Variants in CPSF2 observed in about 807,000 individuals in gnomAD.
CPSF2 encodes cleavage and polyadenylation specific factor 2, also known as cleavage and polyadenylation specificity factor subunit 2.
A neutral mutation model predicts 84.2 loss-of-function variants in CPSF2; 51 were observed. The ratio of observed to expected loss-of-function variants is 0.61; its 90% CI spans 0.48 to 0.77. The LOEUF is 0.77. CPSF2 is among the 30% of genes least tolerant of loss of function. The pLI is 0.00. For missense variants in CPSF2, 641 were observed against 929.4 expected (o/e 0.69, Z 4.03); for synonymous variants, 286 against 311.9 (o/e 0.92, Z 0.87).
rs1033800492 is a variant in CPSF2, at chr14:92,162,289, A to G, written c.*545A>G. 1 of 152,580 alleles carries G rather than the reference A, an allele frequency of 6.6e-6. No homozygotes were observed. The highest frequency in any genetic ancestry group is 1.5e-5 in the Non-Finnish European group (1 of 68,040). 9.5% of individuals were successfully genotyped at this position (152,580 alleles called of 1,614,324 possible). On this transcript the variant is annotated 3_prime_UTR_variant, in exon 16 of 16. Coordinates refer to ENST00000298875, the MANE Select transcript of CPSF2 (RefSeq NM_017437.3). ...GGCAGGATGTCTGTTTTCTGCCTGT[A>G]TTTCCCAGTGATTTACTCTAGGGTA...
At position 92,156,609 on chromosome 14, in the gene CPSF2, A is replaced by G. The variant is rs756213135; in HGVS notation, c.1573A>G (p.Thr525Ala). The change falls in exon 12 of 16, where the codon ACA becomes GCA. Residue 525 changes from threonine to alanine, a missense_variant. By Grantham distance (58) the Thr-to-Ala change is moderately conservative. This residue lies in a region of CPSF2 where 430 missense variants were observed against 553.6 expected (regional missense o/e 0.78). Transcript: ENST00000298875. Reference sequence around the variant, plus strand: ...TGATGTTCCTACTAAATGTATTTCTACAACAGAGTCTATTGAAATAAAGTA... The same window carrying G: ...TGATGTTCCTACTAAATGTATTTCTGCAACAGAGTCTATTGAAATAAAGTA... ...LSDVPTKCISTTESIEIKARV... is the reference protein window; with the variant it reads ...LSDVPTKCISATESIEIKARV... The G allele has an allele frequency of 1.2e-5, 19 of 1,596,038 alleles. No individual in the cohort carries two copies. Among genetic ancestry groups the G allele is most frequent in the Admixed American group, 1.7e-5 (1 of 57,564 alleles).
At chr14:92,156,440 T>C in intron 11 of CPSF2, 39 bp from the exon 12 acceptor site, 1 of 1,582,158 alleles carries the variant, frequency 6.3e-7, no homozygotes, top group Non-Finnish European at 8.6e-7. Flanking sequence ...TAGTATTAGC[T>C]TGCTTTTTAC....
rs1035851399 is a variant in CPSF2, at chr14:92,166,976, A to G, written c.*5232A>G. ...GCTATTCTGGGTCTCTTGCATTTTCATGTGAGTTTAGATTCTGCTTATCGA... is the reference window on the plus strand; with the variant it reads ...GCTATTCTGGGTCTCTTGCATTTTCGTGTGAGTTTAGATTCTGCTTATCGA... On this transcript the variant is annotated 3_prime_UTR_variant, in exon 16 of 16. Transcript: ENST00000298875. 1 of 143,000 alleles carries G rather than the reference A, an allele frequency of 7.0e-6. No homozygotes were observed. Among genetic ancestry groups the G allele is most frequent in the Admixed American group, 6.9e-5 (1 of 14,444 alleles). 8.9% of individuals were successfully genotyped at this position (143,000 alleles called of 1,614,324 possible).
In CPSF2 at chr14:92,155,104, T is replaced by C; in HGVS notation, c.1242-19T>C. 2 of 1,538,642 alleles carry C rather than the reference T, an allele frequency of 1.3e-6. No homozygotes were observed. The highest frequency in any genetic ancestry group is 1.8e-6 in the Non-Finnish European group (2 of 1,112,804). ...TCTTTGAAACTTTATGACCTTGATCTATTCTAAAATCCTCCTAGGGCAGAT... is the reference window on the plus strand; with the variant it reads ...TCTTTGAAACTTTATGACCTTGATCCATTCTAAAATCCTCCTAGGGCAGAT... On this transcript the variant is annotated intron_variant, in intron 10 of 15. Coordinates refer to ENST00000298875, the MANE Select transcript of CPSF2 (RefSeq NM_017437.3).
At chr14:92,158,825 G>A (rs1250759815) in intron 13 of CPSF2, among the ~76,000 whole-genome samples, 158 bp from the exon 14 acceptor site, 1 of 152,170 alleles carries the variant, frequency 6.6e-6, no homozygotes, top group Non-Finnish European at 1.5e-5. Flanking sequence ...TGATCTGCAG[G>A]TAATGAGGTC....
At chr14:92,127,126 C>T (rs189829145) in intron 2 of CPSF2, among the ~76,000 whole-genome samples, 3 of 152,276 alleles carry the variant, frequency 2.0e-5, no homozygotes, top group Admixed American at 2.0e-4. Flanking sequence ...AAGGTCTTTA[C>T]CTTCATGGAG....
chr14:92,163,798 T>G lies in CPSF2; in HGVS notation c.*2054T>G, dbSNP rs1406083138. ...GACTGGAGTGCAATGGCACACGATC[T>G]CGGCTCACCGCAACCTCTGCCTCCT... On this transcript the variant is annotated 3_prime_UTR_variant, in exon 16 of 16. Coordinates refer to ENST00000298875, the MANE Select transcript of CPSF2 (RefSeq NM_017437.3). 1 of 152,614 alleles carries G rather than the reference T, an allele frequency of 6.6e-6. No individual in the cohort carries two copies. The highest frequency in any genetic ancestry group is 2.4e-5 in the African/African-American group (1 of 41,446). The allele number at this position is 152,614 out of a possible 1,614,324, so 9.5% of individuals were successfully genotyped here.
At position 92,142,246 on chromosome 14, in the gene CPSF2, A is replaced by G; in HGVS notation, c.744A>G (p.Gln248=). The change falls in exon 8 of 16, where the codon CAA becomes CAG. Residue 248 remains glutamine, a synonymous_variant. Coordinates refer to ENST00000298875, the MANE Select transcript of CPSF2 (RefSeq NM_017437.3). ...CAGGCAGAGTTTTGGAACTTGCTCA[A>G]CTTCTTGATCAGATTTGGAGGACTA... ...DTAGRVLELA[Q]LLDQIWRTKD... is the part of the protein sequence containing the mutation. The G allele has an allele frequency of 1.2e-6, 2 of 1,614,088 alleles. No homozygotes were observed. Among genetic ancestry groups the G allele is most frequent in the Non-Finnish European group, 1.7e-6 (2 of 1,179,958 alleles).
intron 6 of CPSF2, among the ~76,000 whole-genome samples, chr14:92,137,360 C>CT (rs1191378350): frequency 6.6e-6 from 1 of 152,130 alleles, no homozygotes; most frequent in African/African-American, 2.4e-5. Flanking sequence ...CAGGTGCGCT[C>CT]TAACATGCCT....
rs1316387899 is a variant in CPSF2 at position 92,161,183 on chromosome 14, G to C, written c.2193G>C (p.Glu731Asp). The C allele has an allele frequency of 1.2e-6, 2 of 1,613,916 alleles. No individual in the cohort carries two copies. Among genetic ancestry groups the C allele is most frequent in the Non-Finnish European group, 1.7e-6 (2 of 1,179,914 alleles). Residue 731 changes from glutamate to aspartate, a missense_variant, in exon 15 of 16, where the codon GAG (glutamate) becomes GAC (aspartate). Physicochemically the swap from Glu to Asp is conservative, Grantham distance 45. Around this residue, in one of 2 missense-constraint regions of CPSF2, gnomAD observed 430 missense variants for 553.6 expected, o/e 0.78. Transcript: ENST00000298875. Reference protein sequence around the residue: ...LSDFKQVLLREGIQAEFVGGV... With the variant: ...LSDFKQVLLRDGIQAEFVGGV... ...ACTTCAAGCAAGTTCTCTTACGGGA[G>C]GGGATTCAAGCTGAATTTGTAGGAG...
chr14:92,124,322 C>G (rs748226789), intron 1 of CPSF2, among the ~76,000 whole-genome samples: 2 of 152,006 alleles, frequency 1.3e-5, no homozygotes, highest in Non-Finnish European at 2.9e-5. Flanking sequence ...GGAGGATCAA[C>G]TGGGAACAGA....
In CPSF2 at chr14:92,138,490, C is replaced by T. The variant is rs1024835514; in HGVS notation, c.661+143C>T. 2.9e-4 allele frequency: 129 copies of T among 442,582 alleles called. 1 individual carries two copies. Among genetic ancestry groups the T allele is most frequent in the South Asian group, 7.4e-4 (14 of 18,884 alleles). 27.4% of individuals were successfully genotyped at this position (442,582 alleles called of 1,614,324 possible). ...TTTCACCCAGGCTGGAGTGAAGTGG[C>T]GCGATCTCGGCTCACTGTAACTTCC... On this transcript the variant is annotated intron_variant, in intron 7 of 15. Transcript: ENST00000298875.
At chr14:92,129,767 A>G (rs1180591905) in intron 2 of CPSF2, among the ~76,000 whole-genome samples, 2 of 152,104 alleles carry the variant, frequency 1.3e-5, no homozygotes, top group African/African-American at 2.4e-5. Flanking sequence ...TGCCCAGTCT[A>G]GGGTACACTC....
At position 92,138,302 on chromosome 14, in the gene CPSF2, A is replaced by G. The variant is rs769824473; in HGVS notation, c.616A>G (p.Thr206Ala). ...ACTTATCACAGATTCATTCAATGCT[A>G]CATATGTACAGCCTAGAAGAAAACA... ...SLLITDSFNATYVQPRRKQRD... is the reference protein window; with the variant it reads ...SLLITDSFNAAYVQPRRKQRD... Residue 206 changes from threonine (T) to alanine (A), a missense_variant, in exon 7 of 16, where the codon ACA (threonine) becomes GCA (alanine). Physicochemically the swap from Thr to Ala is moderately conservative, Grantham distance 58. Coordinates refer to ENST00000298875, the MANE Select transcript of CPSF2 (RefSeq NM_017437.3). 6.8e-6 allele frequency: 11 copies of G among 1,607,448 alleles called. No homozygotes were observed. Among genetic ancestry groups the G allele is most frequent in the Non-Finnish European group, 9.3e-6 (11 of 1,177,208 alleles).
In CPSF2 at chr14:92,165,674, A is replaced by G. The variant is rs1404790670; in HGVS notation, c.*3930A>G. On this transcript the variant is annotated 3_prime_UTR_variant, in exon 16 of 16. Transcript: ENST00000298875. ...TTTATCTTTACTGTTGAGATGTAAGAGTTTTTTTATATATTTTCTGGATAC... is the reference window on the plus strand; with the variant it reads ...TTTATCTTTACTGTTGAGATGTAAGGGTTTTTTTATATATTTTCTGGATAC... 6.6e-6 allele frequency: 1 copy of G among 151,638 alleles called. No individual in the cohort carries two copies. The highest frequency in any genetic ancestry group is 1.5e-5 in the Non-Finnish European group (1 of 67,950). 9.4% of individuals were successfully genotyped at this position (151,638 alleles called of 1,614,324 possible).
intron 9 of CPSF2, among the ~76,000 whole-genome samples, chr14:92,151,637 AC>A (rs1250002320): frequency 6.6e-6 from 1 of 152,132 alleles, no homozygotes; most frequent in Non-Finnish European, 1.5e-5. Flanking sequence ...TTCTTCATAT[AC>A]TTTAACCAAA....
At chr14:92,140,593 C>T (rs539031438) in intron 7 of CPSF2, among the ~76,000 whole-genome samples, 44 of 151,644 alleles carry the variant, frequency 2.9e-4, no homozygotes, top group Non-Finnish European at 4.9e-4. Context: ...CAACCATGCC[C>T]GGCTAATTTT....
chr14:92,122,532 GT>G (rs1453152257), intron 1 of CPSF2, among the ~76,000 whole-genome samples: 1 of 152,220 alleles, frequency 6.6e-6, no homozygotes, highest in Non-Finnish European at 1.5e-5. Context: ...AGACCACGAG[GT>G]TGCTAAGCTC....
chr14:92,155,086 A>G (rs1440290851), intron 10 of CPSF2, 37 bp from the exon 11 acceptor site: 1 of 1,336,336 alleles, frequency 7.5e-7, no homozygotes, highest in Non-Finnish European at 1.1e-6. Context: ...ATATCTTTGA[A>G]ACTTTATGAC....
Sources: allele counts gnomAD v4.1 joint callset (sites outside exome capture counted in the v4.1 genomes callset), GRCh38; gene constraint gnomAD v4.1.1; regional missense constraint gnomAD v4.1.1; transcripts MANE v1.5; gene names NCBI Gene and HGNC (gene_info 2026-07-23, HGNC 2026-07-21).